Variants in EIF4E1B observed in about 807,000 individuals in gnomAD.
EIF4E1B encodes the protein eukaryotic translation initiation factor 4E family member 1B.
A neutral mutation model predicts 31.3 loss-of-function variants in EIF4E1B; 22 were observed. The observed-to-expected ratio is 0.70, with a 90% CI of 0.50 to 1.00. The LOEUF is 1.00. Ranked by LOEUF, EIF4E1B falls within the 50% of genes least tolerant of loss-of-function variation. EIF4E1B has a pLI of 0.00. For synonymous variants in EIF4E1B, 126 were observed against 120.2 expected, an observed-to-expected ratio of 1.05 and a Z score of -0.31; for missense variants, 290 against 311.6, an observed-to-expected ratio of 0.93 and a Z score of 0.52.
intron 1 of EIF4E1B, 86 bp from the exon 2 acceptor site, chr5:176,641,957 T>C (rs1360672592): frequency 6.5e-6 from 1 of 152,768 alleles, no homozygotes; most frequent in East Asian, 1.9e-4. Context: ...AGCCAGGCCT[T>C]GTTCTACGGG....
At chr5:176,641,437 G>A (rs544395863) in intron 1 of EIF4E1B, among the ~76,000 whole-genome samples, 2 of 152,330 alleles carry the variant, frequency 1.3e-5, no homozygotes, top group South Asian at 2.1e-4. Context: ...TGAGCAAGCC[G>A]TGCAGGTGAT....
chr5:176,632,704 G>T (rs1268541843), intron 1 of EIF4E1B, among the ~76,000 whole-genome samples: 1 of 152,164 alleles, frequency 6.6e-6, no homozygotes, highest in Non-Finnish European at 1.5e-5. Flanking sequence ...TATTTTACTT[G>T]TGTTATTTTA....
In EIF4E1B at chr5:176,646,068, C is replaced by T. The variant is rs979050731; in HGVS notation, c.*88C>T. 8.8e-7 allele frequency: 1 copy of T among 1,136,880 alleles called. No homozygotes were observed. The highest frequency in any genetic ancestry group is 1.3e-6 in the Non-Finnish European group (1 of 783,784). The allele number at this position is 1,136,880 out of a possible 1,614,324, so 70.4% of individuals were successfully genotyped here. ...GGATGGGGCGGGACTGGGGATCAGA[C>T]AGCCTAGTTCTTACCTGTCCTCAAG... On this transcript the variant is annotated 3_prime_UTR_variant, in exon 9 of 9. Coordinates refer to ENST00000318682, the MANE Select transcript of EIF4E1B (RefSeq NM_001099408.2).
rs760493029 is a variant in EIF4E1B, at chr5:176,643,269, AGGCAGGAGCCTGC to A, written c.200+5_200+17del. The A allele has an allele frequency of 4.1e-4, 665 of 1,611,470 alleles. No individual in the cohort carries two copies. Among genetic ancestry groups the A allele is most frequent in the Non-Finnish European group, 5.4e-4 (633 of 1,179,644 alleles). ...GAGCTGCACCCCTTGCAGAACAGGT[AGGCAGGAGCCTGC>A]GAGTGGAACACAGCCCCTTGCTTTC... On this transcript the variant is annotated splice_donor_5th_base_variant and intron_variant, in intron 4 of 8. Transcript: ENST00000318682.
chr5:176,644,592 C>A, intron 6 of EIF4E1B, 153 bp downstream of exon 6: 2 of 882,096 alleles, frequency 2.3e-6, no homozygotes. Context: ...AAATGCTCTA[C>A]AGGAGCCCGG....
rs1013195630 is a variant in EIF4E1B, at chr5:176,638,021, C to T, written c.-201-4022C>T. Among the ~76,000 whole-genome samples, 2 of 152,116 alleles carry T rather than the reference C, an allele frequency of 1.3e-5. No homozygotes were observed. The highest frequency in any genetic ancestry group is 2.9e-5 in the Non-Finnish European group (2 of 68,042). ...GGCATGTGCTAACAGGTGAGAAGGACAGAGCCCCAGGACCATTCCAGCGTT... is the reference window on the plus strand; with the variant it reads ...GGCATGTGCTAACAGGTGAGAAGGATAGAGCCCCAGGACCATTCCAGCGTT... On this transcript the variant is annotated intron_variant, in intron 1 of 8. Transcript: ENST00000318682. The surrounding 1 kb of genome is among the most constrained non-coding windows in gnomAD (Gnocchi z 4.3).
chr5:176,635,812 C>T (rs1464064458), intron 1 of EIF4E1B, among the ~76,000 whole-genome samples: 1 of 151,392 alleles, frequency 6.6e-6, no homozygotes, highest in Admixed American at 6.6e-5. Flanking sequence ...CTGTCTTTTT[C>T]TTTCTTTCTT....
At chr5:176,642,631 C>A in intron 2 of EIF4E1B, 79 bp from the exon 3 acceptor site, 1 of 1,260,434 alleles carries the variant, frequency 7.9e-7, no homozygotes, top group African/African-American at 1.5e-5. Flanking sequence ...GTCCACCTCA[C>A]ATTCTGGGGT....
chr5:176,643,583 C>G, intron 4 of EIF4E1B, 56 bp from the exon 5 acceptor site: 1 of 1,525,634 alleles, frequency 6.6e-7, no homozygotes, highest in South Asian at 1.2e-5. Flanking sequence ...CCAGGTGCCC[C>G]GGGGGTGGAC....
Position 176,632,175 on chromosome 5 carries a change from C to T in EIF4E1B, c.-202+1111C>T, listed in dbSNP as rs1561907222. Among the ~76,000 whole-genome samples the T allele has an allele frequency of 3.9e-5, 6 of 152,192 alleles. No homozygotes were observed. The South Asian group carries it at 1.2e-3, about 31-fold the overall frequency. Reference sequence around the variant, plus strand: ...TATATTATATACTAACATATACATACTTATCACATACTATATACATTATAC... The same window carrying T: ...TATATTATATACTAACATATACATATTTATCACATACTATATACATTATAC... On this transcript the variant is annotated intron_variant, in intron 1 of 8. Coordinates refer to ENST00000318682, the MANE Select transcript of EIF4E1B (RefSeq NM_001099408.2).
In EIF4E1B at chr5:176,645,856, G is replaced by A. The variant is rs372249540; in HGVS notation, c.615-10G>A. 1.6e-5 allele frequency: 25 copies of A among 1,567,788 alleles called. No individual in the cohort carries two copies. The highest frequency in any genetic ancestry group is 7.7e-5 in the Admixed American group (4 of 52,220). On this transcript the variant is annotated splice_polypyrimidine_tract_variant and intron_variant, in intron 8 of 8. Transcript: ENST00000318682. The surrounding 1 kb of genome is among the most constrained non-coding windows in gnomAD (Gnocchi z 5.4). ...GTGTCTCTTTTCCTCTGTGTCCCCC[G>A]CACCTGCAGGCGTGTATACAAAGAG...
At position 176,642,863 on chromosome 5, in the gene EIF4E1B, C is replaced by CA. The variant is rs1554151082; in HGVS notation, c.15+61_15+62insA. 1.0e-3 allele frequency: 1,275 copies of CA among 1,263,852 alleles called. 74 individuals are homozygous for CA. In the African/African-American group the frequency reaches 0.018, roughly 18 times the overall value. 78.3% of individuals were successfully genotyped at this position (1,263,852 alleles called of 1,614,324 possible). A position where few individuals can be genotyped will look rare whatever the true frequency, so the allele number is the denominator to read the frequency against. On this transcript the variant is annotated intron_variant, in intron 3 of 8. Transcript: ENST00000318682. ...TGGCCCCGCCCTCTCCCCCCCCCCC[C>CA]CCGCCCCAGGTGGGCGGGGCAGGTG...
At chr5:176,642,608 C>A in intron 2 of EIF4E1B, 102 bp from the exon 3 acceptor site, 1 of 964,612 alleles carries the variant, frequency 1.0e-6, no homozygotes, top group African/African-American at 1.7e-5. Flanking sequence ...CTGCTTCTGC[C>A]ATCGGCAGGG....
intron 3 of EIF4E1B, 59 bp from the exon 4 acceptor site, chr5:176,643,023 G>A: frequency 1.3e-6 from 2 of 1,549,142 alleles, no homozygotes; most frequent in Admixed American, 2.0e-5. Flanking sequence ...GGCAGGGTGG[G>A]CACAGGGACA....
chr5:176,635,623 CA>C lies in EIF4E1B; in HGVS notation c.-202+4560del, dbSNP rs571710390. Among the ~76,000 whole-genome samples the C allele has an allele frequency of 1.2e-4, 19 of 152,288 alleles. 1 individual carries two copies. The South Asian group carries it at 3.9e-3, about 32-fold the overall frequency. ...AACAAGTCCAGTGGTGGGCAGTCCACAGGTGGTGTGATGACTTCACAGTCAT... is the reference window on the plus strand; with the variant it reads ...AACAAGTCCAGTGGTGGGCAGTCCACGGTGGTGTGATGACTTCACAGTCAT... On this transcript the variant is annotated intron_variant, in intron 1 of 8. Transcript: ENST00000318682.
At chr5:176,636,828 T>C (rs1760500886) in intron 1 of EIF4E1B, among the ~76,000 whole-genome samples, 1 of 152,236 alleles carries the variant, frequency 6.6e-6, no homozygotes, top group Non-Finnish European at 1.5e-5. Flanking sequence ...GGAAAGTCAC[T>C]GGCCTTTGTT....
At chr5:176,639,305 C>A (rs1225566635) in intron 1 of EIF4E1B, among the ~76,000 whole-genome samples, 1 of 152,110 alleles carries the variant, frequency 6.6e-6, no homozygotes, top group African/African-American at 2.4e-5. Flanking sequence ...ATTTTAGGAA[C>A]AGGATGGTAG....
chr5:176,642,696 A>G lies in EIF4E1B; in HGVS notation c.-78-14A>G. Reference sequence around the variant, plus strand: ...CCCTTCGAGCAGGCTCCAAATATTGACGCTTACCTTCAGGTCTTGGCCCCC... The same window carrying G: ...CCCTTCGAGCAGGCTCCAAATATTGGCGCTTACCTTCAGGTCTTGGCCCCC... On this transcript the variant is annotated splice_polypyrimidine_tract_variant and intron_variant, in intron 2 of 8. Transcript: ENST00000318682. 2 of 1,532,868 alleles carry G rather than the reference A, an allele frequency of 1.3e-6. No individual in the cohort carries two copies. The highest frequency in any genetic ancestry group is 2.1e-5 in the Admixed American group (1 of 48,440). The allele number at this position is 1,532,868 out of a possible 1,614,324, so 95.0% of individuals were successfully genotyped here.
chr5:176,644,398 G>T lies in EIF4E1B; in HGVS notation c.319G>T (p.Ala107Ser). 1.3e-6 allele frequency: 2 copies of T among 1,595,234 alleles called. No individual in the cohort carries two copies. The highest frequency in any genetic ancestry group is 8.5e-7 in the Non-Finnish European group (1 of 1,170,732). Residue 107 changes from alanine (A) to serine (S), a missense_variant, in exon 6 of 9, where the codon GCC becomes TCC. Physicochemically the swap from Ala to Ser is moderately conservative, Grantham distance 99 (BLOSUM62 1). Transcript: ENST00000318682. ...CAGGCTATACAGTCACATCCAGCTG[G>T]CCAGCAAGCTCTCCTCTGGCTGTGA... is the stretch of plus-strand genomic sequence containing the variant. ...FWALYSHIQL[A>S]SKLSSGCDYA...
Sources: allele counts gnomAD v4.1 joint callset (sites outside exome capture counted in the v4.1 genomes callset), GRCh38; gene constraint gnomAD v4.1.1; non-coding constraint Gnocchi (gnomAD v3.1); transcripts MANE v1.5; gene names NCBI Gene and HGNC (gene_info 2026-07-23, HGNC 2026-07-21).